Variants in ARHGEF17 observed in about 807,000 individuals in gnomAD.
ARHGEF17 encodes the protein Rho guanine nucleotide exchange factor 17.
In ARHGEF17, 80 loss-of-function variants were observed where a neutral mutation model predicts 174.0. That is an observed-to-expected ratio of 0.46 (90% CI 0.38 to 0.55). The LOEUF is 0.55. Ranked by LOEUF, ARHGEF17 falls within the 20% of genes least tolerant of loss-of-function variation. ARHGEF17 has a pLI of 0.00. For missense variants in ARHGEF17, 2,886 were observed against 2,839.7 expected (o/e 1.02, Z -0.37); for synonymous variants, 1,311 against 1,189.1 (o/e 1.10, Z -2.11).
Position 73,361,934 on chromosome 11 carries a change from C to A in ARHGEF17, c.4495-106C>A, listed in dbSNP as rs542197927. On this transcript the variant is annotated intron_variant, in intron 12 of 20. Transcript: ENST00000263674. Reference sequence around the variant, plus strand: ...GTATAGGGCATCCACACACACACACCCATGCAGGCCTGCCTCCCTCCATTC... The same window carrying A: ...GTATAGGGCATCCACACACACACACACATGCAGGCCTGCCTCCCTCCATTC... 2.3e-6 allele frequency: 3 copies of A among 1,303,464 alleles called. No individual in the cohort carries two copies. The African/African-American group carries it at 4.5e-5, about 20-fold the overall frequency. 80.7% of individuals were successfully genotyped at this position (1,303,464 alleles called of 1,614,324 possible). A position where few individuals can be genotyped will look rare whatever the true frequency, so the allele number is the denominator to read the frequency against.
intron 1 of ARHGEF17, among the ~76,000 whole-genome samples, chr11:73,329,040 A>C (rs993396316): frequency 8.6e-5 from 13 of 151,934 alleles, no homozygotes; most frequent in African/African-American, 3.1e-4. Context: ...TTTTAAATTA[A>C]ATTTATATAT....
At chr11:73,367,343 G>A (rs1039672369) in intron 20 of ARHGEF17, among the ~76,000 whole-genome samples, 8 of 152,210 alleles carry the variant, frequency 5.3e-5, no homozygotes, top group South Asian at 2.1e-4. Flanking sequence ...CAGAAGTGGC[G>A]TCACCTTGGG....
chr11:73,360,214 A>C, intron 10 of ARHGEF17, 106 bp from the exon 11 acceptor site: 1 of 1,279,936 alleles, frequency 7.8e-7, no homozygotes, highest in Admixed American at 1.9e-5. Context: ...GGGAGGAGAC[A>C]GTCTCACTTG....
rs376619433 is a variant in ARHGEF17 at position 73,308,662 on chromosome 11, C to A, written c.24C>A (p.Pro8=). The change falls in exon 1 of 21, where the codon CCC becomes CCA. Residue 8 remains proline (P), a synonymous_variant. Transcript: ENST00000263674. ...CTATGGCGGACGGGGCACCCCGGCCCCAGCTTTACCGCAGCGTCTCGTTCA... is the reference window on the plus strand; with the variant it reads ...CTATGGCGGACGGGGCACCCCGGCCACAGCTTTACCGCAGCGTCTCGTTCA... The part of the protein sequence containing the change: MADGAPR[P]QLYRSVSFKL... 6 of 1,513,112 alleles carry A rather than the reference C, an allele frequency of 4.0e-6. No homozygotes were observed. Among genetic ancestry groups the A allele is most frequent in the Non-Finnish European group, 5.3e-6 (6 of 1,134,348 alleles). The allele number at this position is 1,513,112 out of a possible 1,614,324, so 93.7% of individuals were successfully genotyped here.
At chr11:73,358,624 A>AT (rs59474308) in intron 9 of ARHGEF17, among the ~76,000 whole-genome samples, 19,845 of 142,542 alleles carry the variant, frequency 0.14, 4,344 homozygotes, top group African/African-American at 0.47. Flanking sequence ...CGCCCGGTTA[A>AT]TTTTTTTTTT....
At position 73,363,832 on chromosome 11, in the gene ARHGEF17, T is replaced by G; in HGVS notation, c.5332T>G (p.Leu1778Val). ...GCATGCGGCCTCTGTGACCTGCATC[T>G]TGTAAGGCCCCAGGGTGGCCCTTCC... Reference protein sequence around the residue: ...LQHAASVTCILYLNNQVFVSL... With the variant: ...LQHAASVTCIVYLNNQVFVSL... The change falls in exon 16 of 21, where the codon TTG (leucine) becomes GTG (valine). Residue 1778 changes from leucine (L) to valine (V), a missense_variant and splice_region_variant. This residue lies in a region of ARHGEF17 where 329 missense variants were observed against 435.2 expected (regional missense o/e 0.76). Transcript: ENST00000263674. The G allele has an allele frequency of 6.2e-7, 1 of 1,613,878 alleles. No individual in the cohort carries two copies. Among genetic ancestry groups the G allele is most frequent in the South Asian group, 1.1e-5 (1 of 91,086 alleles).
At chr11:73,316,301 C>A (rs546783302) in intron 1 of ARHGEF17, among the ~76,000 whole-genome samples, 2 of 152,256 alleles carry the variant, frequency 1.3e-5, no homozygotes, top group East Asian at 3.9e-4. Context: ...ACTGTCTGAG[C>A]AATAAGACAT....
rs1478542534 is a variant in ARHGEF17, at chr11:73,365,997, A to G, written c.5995+50A>G. 1 of 1,567,750 alleles carries G rather than the reference A, an allele frequency of 6.4e-7. No homozygotes were observed. Among genetic ancestry groups the G allele is most frequent in the Admixed American group, 1.7e-5 (1 of 59,040 alleles). The stretch of plus-strand genomic sequence containing the variant: ...GCTAGGGATCATGGACATTTGGTTT[A>G]GGACTCCCCACTATCCTGCCAGAAG... On this transcript the variant is annotated intron_variant, in intron 20 of 20. Coordinates refer to ENST00000263674, the MANE Select transcript of ARHGEF17 (RefSeq NM_014786.4). This position sits in a 1 kb window ranked among gnomAD's most constrained non-coding sequence, Gnocchi z 4.9.
At chr11:73,332,532 C>G (rs114515631) in intron 1 of ARHGEF17, among the ~76,000 whole-genome samples, 1 of 152,110 alleles carries the variant, frequency 6.6e-6, no homozygotes, top group Non-Finnish European at 1.5e-5. Flanking sequence ...TCTGGGCTTT[C>G]CTGTGGTTGG....
Position 73,308,740 on chromosome 11 carries a change from C to A in ARHGEF17, c.102C>A (p.Asp34Glu). 1 of 1,503,792 alleles carries A rather than the reference C, an allele frequency of 6.6e-7. No homozygotes were observed. The highest frequency in any genetic ancestry group is 1.9e-4 in the Middle Eastern group (1 of 5,144). 93.2% of individuals were successfully genotyped at this position (1,503,792 alleles called of 1,614,324 possible). The change falls in exon 1 of 21, where the codon GAC becomes GAA. Residue 34 changes from aspartate to glutamate, a missense_variant. Asp to Glu is a conservative substitution (Grantham distance 45). This residue lies in a region of ARHGEF17 where 1,728 missense variants were observed against 1,461.2 expected (regional missense o/e 1.18). Coordinates refer to ENST00000263674, the MANE Select transcript of ARHGEF17 (RefSeq NM_014786.4). ...GGPGLREEDT[D>E]TPGLRRRASC... ...CCGGGCTGAGGGAGGAGGACACGGA[C>A]ACCCCCGGCTTGAGGCGACGCGCCT...
Position 73,363,196 on chromosome 11 carries a change from T to A in ARHGEF17, c.4997-10T>A. ...AGGGAAATGGAGACAGAGACCTTTG[T>A]CTCCCTCAGATGAGGAGACCCCGAG... On this transcript the variant is annotated splice_polypyrimidine_tract_variant and intron_variant, in intron 14 of 20. Transcript: ENST00000263674. 1 of 1,533,478 alleles carries A rather than the reference T, an allele frequency of 6.5e-7. No homozygotes were observed. Among genetic ancestry groups the A allele is most frequent in the Admixed American group, 2.1e-5 (1 of 48,330 alleles). The allele number at this position is 1,533,478 out of a possible 1,614,324, so 95.0% of individuals were successfully genotyped here.
intron 1 of ARHGEF17, among the ~76,000 whole-genome samples, chr11:73,334,023 T>C (rs1023417815): frequency 1.3e-5 from 2 of 152,226 alleles, no homozygotes; most frequent in African/African-American, 4.8e-5. Flanking sequence ...AGCACTTAAC[T>C]GTGGGTCAGT....
Position 73,311,762 on chromosome 11 carries a change from C to A in ARHGEF17, c.3124C>A (p.Pro1042Thr). Residue 1042 changes from proline (P) to threonine (T), a missense_variant, in exon 1 of 21, where the codon CCC (proline) becomes ACC (threonine). Around this residue, in one of 4 missense-constraint regions of ARHGEF17, gnomAD observed 1,728 missense variants for 1,461.2 expected, o/e 1.18. Coordinates refer to ENST00000263674, the MANE Select transcript of ARHGEF17 (RefSeq NM_014786.4). ...TGCACCGCCCTCTGCTGAGGCCAAG[C>A]CCCCTGAGGCAGCTCGGCCTGCAGA... is the stretch of plus-strand genomic sequence containing the variant. ...LAAPPSAEAK[P>T]PEAARPADEP... 1 of 1,612,616 alleles carries A rather than the reference C, an allele frequency of 6.2e-7. No homozygotes were observed. The highest frequency in any genetic ancestry group is 2.2e-5 in the East Asian group (1 of 44,866).
chr11:73,363,103 G>A, intron 14 of ARHGEF17, 103 bp from the exon 15 acceptor site: 1 of 1,416,190 alleles, frequency 7.1e-7, no homozygotes, highest in East Asian at 2.5e-5. Flanking sequence ...GCTTTGAGAG[G>A]CCTTCCGGAG....
intron 8 of ARHGEF17, 41 bp from the exon 9 acceptor site, chr11:73,357,201 C>T: frequency 6.2e-7 from 1 of 1,613,054 alleles, no homozygotes; most frequent in Non-Finnish European, 8.5e-7. Context: ...CTGAGCCCCA[C>T]TCCCCGACCC....
At chr11:73,316,141 T>G (rs1864925937) in intron 1 of ARHGEF17, among the ~76,000 whole-genome samples, 1 of 152,188 alleles carries the variant, frequency 6.6e-6, no homozygotes, top group African/African-American at 2.4e-5. Context: ...GCTTGAACAC[T>G]GAGCAAGAGG....
intron 1 of ARHGEF17, among the ~76,000 whole-genome samples, chr11:73,332,666 T>C (rs773686197): frequency 6.6e-6 from 1 of 151,928 alleles, no homozygotes; most frequent in Non-Finnish European, 1.5e-5. Context: ...TGCTCCTCTC[T>C]CCGGGTTCCT....
chr11:73,367,300 T>TA (rs1163235678), intron 20 of ARHGEF17, among the ~76,000 whole-genome samples: 2 of 152,148 alleles, frequency 1.3e-5, no homozygotes, highest in Non-Finnish European at 2.9e-5. Flanking sequence ...AGTGGCATCT[T>TA]ACAGGGCACT....
At chr11:73,359,617 G>T (rs1433789562) in intron 9 of ARHGEF17, among the ~76,000 whole-genome samples, 1 of 152,222 alleles carries the variant, frequency 6.6e-6, no homozygotes. Context: ...TGCGCCACAT[G>T]GCTCTGAATC....
Sources: allele counts gnomAD v4.1 joint callset (sites outside exome capture counted in the v4.1 genomes callset), GRCh38; gene constraint gnomAD v4.1.1; regional missense constraint gnomAD v4.1.1; non-coding constraint Gnocchi (gnomAD v3.1); transcripts MANE v1.5; gene names NCBI Gene and HGNC (gene_info 2026-07-23, HGNC 2026-07-21).